Variants in STX8 observed in about 807,000 individuals in gnomAD.
STX8 encodes the protein syntaxin 8, also known as syntaxin-8.
Under a neutral mutation model 37.5 loss-of-function variants are expected in STX8, and 23 were observed. That is an observed-to-expected ratio of 0.61 (90% CI 0.44 to 0.87). The LOEUF is 0.87. Among genes scored for constraint, STX8 ranks in the 40% least tolerant of loss-of-function variants. The pLI is 0.00. For missense variants in STX8, 313 were observed against 284.7 expected (o/e 1.10, Z -0.71); for synonymous variants, 115 against 99.1 (o/e 1.16, Z -0.95).
intron 4 of STX8, among the ~76,000 whole-genome samples, chr17:9,535,190 T>C (rs1905979000): frequency 2.6e-5 from 4 of 152,034 alleles, no homozygotes; most frequent in South Asian, 4.1e-4. Flanking sequence ...ACTATAGTTA[T>C]ATATAATAAT....
chr17:9,557,528 G>T lies in STX8; in HGVS notation c.118C>A (p.Leu40Ile), dbSNP rs777032956. Residue 40 changes from leucine (L) to isoleucine (I), a missense_variant and splice_region_variant, in exon 3 of 8, where the codon CTT (leucine) becomes ATT (isoleucine). By Grantham distance (5) the Leu-to-Ile change is conservative (BLOSUM62 2). Coordinates refer to ENST00000306357, the MANE Select transcript of STX8 (RefSeq NM_004853.3). ...AACAAAGCTCTGATTGTCACGGTAA[G>T]CTGAAAAGAAAAGAACACATCCTAA... is the stretch of plus-strand genomic sequence containing the variant. ...YERKGEKAPK[L>I]TVTIRALLQN... is the part of the protein sequence containing the mutation. 38 of 1,613,716 alleles carry T rather than the reference G, an allele frequency of 2.4e-5. No individual in the cohort carries two copies. The highest frequency in any genetic ancestry group is 2.8e-5 in the Non-Finnish European group (33 of 1,179,802).
At chr17:9,403,157 G>A (rs1251415759) in intron 6 of STX8, among the ~76,000 whole-genome samples, 1 of 152,172 alleles carries the variant, frequency 6.6e-6, no homozygotes, top group Non-Finnish European at 1.5e-5. Flanking sequence ...GGAGGGAGGA[G>A]TCTCCAATCA....
intron 7 of STX8, among the ~76,000 whole-genome samples, chr17:9,297,326 C>T (rs2142172183): frequency 1.3e-5 from 2 of 151,616 alleles, no homozygotes; most frequent in South Asian, 4.2e-4. Context: ...ATCTTTAGAA[C>T]TGAGTATGAG....
chr17:9,271,224 C>T (rs941384795), intron 7 of STX8, among the ~76,000 whole-genome samples: 19 of 151,670 alleles, frequency 1.3e-4, no homozygotes, highest in South Asian at 2.1e-4. Context: ...GAGGCCGAAG[C>T]GGGCGGATCA....
intron 4 of STX8, among the ~76,000 whole-genome samples, chr17:9,542,526 A>T (rs896533422): frequency 2.7e-5 from 4 of 150,026 alleles, no homozygotes; most frequent in African/African-American, 9.9e-5. Context: ...AAATACAAAA[A>T]ATTAGCCGGG....
At chr17:9,370,737 C>T (rs1013956115) in intron 7 of STX8, among the ~76,000 whole-genome samples, 4 of 152,260 alleles carry the variant, frequency 2.6e-5, no homozygotes, top group South Asian at 2.1e-4. Context: ...TCACAATTGG[C>T]GCCCTCTGTC....
intron 1 of STX8, among the ~76,000 whole-genome samples, chr17:9,572,370 A>C (rs1365211015): frequency 2.0e-5 from 3 of 152,114 alleles, no homozygotes; most frequent in Admixed American, 6.6e-5. Context: ...ACAAAGGTAA[A>C]GCTGTAGTTG....
chr17:9,410,101 T>C (rs1912932023), intron 6 of STX8, among the ~76,000 whole-genome samples: 1 of 152,230 alleles, frequency 6.6e-6, no homozygotes, highest in African/African-American at 2.4e-5. Flanking sequence ...TGTACAGCTG[T>C]TGCTCCCTCC....
intron 6 of STX8, among the ~76,000 whole-genome samples, chr17:9,487,860 TAA>T (rs1424840273): frequency 6.6e-6 from 1 of 152,178 alleles, no homozygotes; most frequent in Non-Finnish European, 1.5e-5. Context: ...TTTAGACCTG[TAA>T]TGTGAGCATA....
chr17:9,481,107 T>C (rs142620561), intron 6 of STX8, among the ~76,000 whole-genome samples: 15 of 152,088 alleles, frequency 9.9e-5, no homozygotes, highest in Non-Finnish European at 2.2e-4. Flanking sequence ...ATGGTCTCTA[T>C]CTCCTGACCT....
At chr17:9,370,697 C>G (rs187092945) in intron 7 of STX8, among the ~76,000 whole-genome samples, 2 of 152,144 alleles carry the variant, frequency 1.3e-5, no homozygotes, top group Admixed American at 6.6e-5. Flanking sequence ...TACATCCACC[C>G]GAGTCATTCA....
intron 6 of STX8, among the ~76,000 whole-genome samples, chr17:9,421,315 C>A (rs2142351331): frequency 6.6e-6 from 1 of 151,134 alleles, no homozygotes; most frequent in East Asian, 2.0e-4. Flanking sequence ...TCGCTTGAAC[C>A]CGCGAGGCAG....
intron 7 of STX8, among the ~76,000 whole-genome samples, chr17:9,305,083 A>G (rs12940156): frequency 0.23 from 35,059 of 151,530 alleles, 5,360 homozygotes; most frequent in African/African-American, 0.44. Flanking sequence ...TACATGAGAT[A>G]TTAAATATTA....
Position 9,355,270 on chromosome 17 carries a change from G to A in STX8, c.643+23282C>T, listed in dbSNP as rs561428324. On this transcript the variant is annotated intron_variant, in intron 7 of 7. Coordinates refer to ENST00000306357, the MANE Select transcript of STX8 (RefSeq NM_004853.3). The stretch of plus-strand genomic sequence containing the variant: ...CTCATTGTGGCATTCCTACTCTTTC[G>A]ATCTTGGATGGATCCTCTAATTTTG... Among the ~76,000 whole-genome samples the A allele has an allele frequency of 5.9e-4, 89 of 150,534 alleles. No homozygotes were observed. In the South Asian group the frequency reaches 0.012, roughly 20 times the overall value.
In STX8 at chr17:9,457,693, G is replaced by A. The variant is rs1905220653; in HGVS notation, c.541+34136C>T. Among the ~76,000 whole-genome samples the A allele has an allele frequency of 2.6e-5, 4 of 152,350 alleles. No homozygotes were observed. In the South Asian group the frequency reaches 8.3e-4, roughly 32 times the overall value. ...TTGCCCTCAGGCTGGCTGTTCTCAT[G>A]ATCATAAGGTACTAATTAGAGAAGT... On this transcript the variant is annotated intron_variant, in intron 6 of 7. Coordinates refer to ENST00000306357, the MANE Select transcript of STX8 (RefSeq NM_004853.3).
At chr17:9,296,160 A>C (rs1908530235) in intron 7 of STX8, among the ~76,000 whole-genome samples, 1 of 152,010 alleles carries the variant, frequency 6.6e-6, no homozygotes, top group Non-Finnish European at 1.5e-5. Context: ...ACTGTACTCC[A>C]GCCTGGGAGA....
chr17:9,437,208 C>G (rs1904467291), intron 6 of STX8, among the ~76,000 whole-genome samples: 2 of 152,180 alleles, frequency 1.3e-5, no homozygotes, highest in Non-Finnish European at 2.9e-5. Context: ...TATTCCATTA[C>G]TCGATCATCT....
chr17:9,381,277 C>A (rs947373696), intron 6 of STX8, among the ~76,000 whole-genome samples: 4 of 151,574 alleles, frequency 2.6e-5, no homozygotes, highest in Non-Finnish European at 4.4e-5. Context: ...CTTCTCCCTC[C>A]TTCCTGTTTT....
At chr17:9,426,047 A>G (rs1913616369) in intron 6 of STX8, among the ~76,000 whole-genome samples, 1 of 124,152 alleles carries the variant, frequency 8.1e-6, no homozygotes, top group South Asian at 2.5e-4. Flanking sequence ...CCTGTTAATT[A>G]GAACCTAGAC....
Sources: gnomAD v4.1 joint callset for allele counts (sites outside exome capture counted in the v4.1 genomes callset) on GRCh38, gnomAD v4.1.1 for gene constraint, MANE v1.5 for transcripts, NCBI Gene and HGNC (gene_info 2026-07-23, HGNC 2026-07-21) for gene names.